The following DCAF6 variants were observed in gnomAD, a reference collection of about 807,000 sequenced individuals.
The protein encoded by DCAF6 is DDB1- and CUL4-associated factor 6.
Under a neutral mutation model 125.1 loss-of-function variants are expected in DCAF6, and 54 were observed. The ratio of observed to expected loss-of-function variants is 0.43; its 90% CI spans 0.35 to 0.54. DCAF6 has a LOEUF of 0.54. Ranked by LOEUF, DCAF6 falls within the 20% of genes least tolerant of loss-of-function variation. The probability of loss-of-function intolerance (pLI) is 0.01; values close to 1 mark genes in which losing one functional copy is unlikely to be tolerated. For synonymous variants in DCAF6, 371 were observed against 390.4 expected, an observed-to-expected ratio of 0.95 and a Z score of 0.58; for missense variants, 934 against 1,161.7, an observed-to-expected ratio of 0.80 and a Z score of 2.85.
At chr1:168,016,037 T>G in intron 11 of DCAF6, 86 bp downstream of exon 11, 1 of 1,193,972 alleles carries the variant, frequency 8.4e-7, no homozygotes, top group Non-Finnish European at 1.1e-6. Flanking sequence ...CCTTTTCCCA[T>G]TCAAAAAGAG....
chr1:168,057,846 TTTTC>T (rs145893059), intron 17 of DCAF6, among the ~76,000 whole-genome samples: 1,700 of 152,256 alleles, frequency 0.011, 29 homozygotes, highest in African/African-American at 0.037. Flanking sequence ...ACTTGGCTCC[TTTTC>T]TTTCTTTCTT....
At chr1:167,932,822 A>G (rs545608321), upstream of DCAF6, among the ~76,000 whole-genome samples, 32 of 151,538 alleles carry the variant, frequency 2.1e-4, no homozygotes, top group Admixed American at 1.8e-3. Flanking sequence ...AAAAAAAAAA[A>G]AAAAAGAAAA....
chr1:168,064,086 T>C (rs2101963785), intron 18 of DCAF6: 1 of 169,922 alleles, frequency 5.9e-6, no homozygotes, highest in Non-Finnish European at 1.2e-5. Flanking sequence ...TGGATTTTTT[T>C]TTTTTTTTTT....
At chr1:167,951,020 C>G (rs1349812799) in intron 1 of DCAF6, among the ~76,000 whole-genome samples, 1 of 152,156 alleles carries the variant, frequency 6.6e-6, no homozygotes, top group Non-Finnish European at 1.5e-5. Context: ...AAACCTTACT[C>G]CCTACCTGCA....
chr1:167,975,799 C>T (rs1298045093), intron 4 of DCAF6, among the ~76,000 whole-genome samples: 3 of 152,168 alleles, frequency 2.0e-5, no homozygotes, highest in African/African-American at 7.2e-5. Context: ...ACAATCCTCC[C>T]ACCTTGGCCT....
In DCAF6 at chr1:168,049,690, C is replaced by T. The variant is rs868125902; in HGVS notation, c.2259-1202C>T. Among the ~76,000 whole-genome samples the T allele has an allele frequency of 8.4e-5, 11 of 130,390 alleles. No homozygotes were observed. In the South Asian group the frequency reaches 9.8e-4, roughly 12 times the overall value. The allele number at this position is 130,390 out of a possible 152,430, so 85.5% of individuals were successfully genotyped here. A position where few individuals can be genotyped will look rare whatever the true frequency, so the allele number is the denominator to read the frequency against. ...TTTTTTTTGGAGACGGAGTCTCGCT[C>T]CCTCACCCAGGCTGGAGTGCAGTGG... On this transcript the variant is annotated intron_variant, in intron 16 of 21. Coordinates refer to ENST00000367840, the MANE Select transcript of DCAF6 (RefSeq NM_001198956.2).
chr1:167,998,213 A>G (rs569849459), intron 7 of DCAF6, among the ~76,000 whole-genome samples: 229 of 152,348 alleles, frequency 1.5e-3, no homozygotes, highest in Middle Eastern at 3.4e-3. Flanking sequence ...ATACTGTACC[A>G]TAGTCTGTTA....
At chr1:167,880,770 T>G in the DCAF6 span, among the ~76,000 whole-genome samples, 1 of 152,214 alleles carries the variant, frequency 6.6e-6, no homozygotes, top group Non-Finnish European at 1.5e-5. Context: ...CTTCAAACAC[T>G]TCTACTGCAT....
chr1:167,932,224 G>T (rs1670931676), upstream of DCAF6, among the ~76,000 whole-genome samples: 1 of 151,970 alleles, frequency 6.6e-6, no homozygotes, highest in African/African-American at 2.4e-5. Flanking sequence ...TGCCCTATCA[G>T]TAAAAAACAA....
At chr1:168,073,624 T>C (rs1318484031) in intron 21 of DCAF6, among the ~76,000 whole-genome samples, 2 of 152,234 alleles carry the variant, frequency 1.3e-5, no homozygotes, top group East Asian at 1.9e-4. Context: ...CCATCTTCTT[T>C]ATAATGTGAC....
At chr1:168,073,703 A>G (rs1356127296) in intron 21 of DCAF6, among the ~76,000 whole-genome samples, 1 of 152,034 alleles carries the variant, frequency 6.6e-6, no homozygotes, top group Non-Finnish European at 1.5e-5. Flanking sequence ...ATCATGCTCT[A>G]ACATGACAGG....
At chr1:167,965,690 G>A (rs913183665) in intron 2 of DCAF6, among the ~76,000 whole-genome samples, 41 of 152,022 alleles carry the variant, frequency 2.7e-4, no homozygotes, top group African/African-American at 8.0e-4. Context: ...GCAGTGACAC[G>A]ATCTTGGCTC....
the DCAF6 span, among the ~76,000 whole-genome samples, chr1:167,874,400 G>C: frequency 0.17 from 25,886 of 152,008 alleles, 2,553 homozygotes; most frequent in Middle Eastern, 0.24. Flanking sequence ...AACCACATCA[G>C]GGAAATACAA....
rs1693725493 is a variant in DCAF6 at position 168,075,778 on chromosome 1, A to G, written c.*343A>G. 1 of 193,578 alleles carries G rather than the reference A, an allele frequency of 5.2e-6. No homozygotes were observed. The highest frequency in any genetic ancestry group is 1.0e-5 in the Non-Finnish European group (1 of 95,604). 12.0% of individuals were successfully genotyped at this position (193,578 alleles called of 1,614,324 possible). A position where few individuals can be genotyped will look rare whatever the true frequency, so the allele number is the denominator to read the frequency against. On this transcript the variant is annotated 3_prime_UTR_variant, in exon 22 of 22. Coordinates refer to ENST00000367840, the MANE Select transcript of DCAF6 (RefSeq NM_001198956.2). ...AAAATGTTGGTTCAAATAAATTTCT[A>G]CACTTGCCATTTGCATGTTTGTTGC...
At chr1:168,010,136 A>G (rs1228673338) in intron 10 of DCAF6, among the ~76,000 whole-genome samples, 1 of 152,188 alleles carries the variant, frequency 6.6e-6, no homozygotes, top group Non-Finnish European at 1.5e-5. Flanking sequence ...CTAACCATTT[A>G]TCATTTTGGA....
rs1692619471 is a variant in DCAF6 at position 168,068,462 on chromosome 1, T to G, written c.2790T>G (p.Ala930=). The stretch of plus-strand genomic sequence containing the variant: ...TGGCTTCACTTAATCATATCCGAGC[T>G]GGTAGGAACTTTAAGTATACTACTA... The part of the protein sequence containing the change: ...RMLASLNHIR[A]DRLEGDRSEG... Residue 930 remains alanine (A), a splice_region_variant and synonymous_variant, in exon 21 of 22, where the codon GCT becomes GCG. Transcript: ENST00000367840. 1.4e-6 allele frequency: 2 copies of G among 1,471,822 alleles called. No individual in the cohort carries two copies. The highest frequency in any genetic ancestry group is 2.9e-5 in the African/African-American group (2 of 69,304). The allele number at this position is 1,471,822 out of a possible 1,614,324, so 91.2% of individuals were successfully genotyped here. A position where few individuals can be genotyped will look rare whatever the true frequency, so the allele number is the denominator to read the frequency against.
chr1:168,032,146 T>G (rs1687183051), intron 12 of DCAF6, among the ~76,000 whole-genome samples: 1 of 152,232 alleles, frequency 6.6e-6, no homozygotes, highest in South Asian at 2.1e-4. Context: ...TTAAAAAGAT[T>G]AGAGAGAATG....
At chr1:167,897,233 C>T in the DCAF6 span, among the ~76,000 whole-genome samples, 6 of 151,000 alleles carry the variant, frequency 4.0e-5, no homozygotes, top group Admixed American at 1.3e-4. Flanking sequence ...GGCCTGTAAT[C>T]CTAGCACTTT....
chr1:167,938,724 G>A (rs754873419), intron 1 of DCAF6, among the ~76,000 whole-genome samples: 28 of 152,202 alleles, frequency 1.8e-4, no homozygotes, highest in Non-Finnish European at 3.8e-4. Flanking sequence ...CAGTTGGACA[G>A]TTTAAGTACT....
Sources: allele counts gnomAD v4.1 joint callset (sites outside exome capture counted in the v4.1 genomes callset), GRCh38; gene constraint gnomAD v4.1.1; transcripts MANE v1.5; gene names NCBI Gene and HGNC (gene_info 2026-07-23, HGNC 2026-07-21).